The following ABTB3 variants were observed in gnomAD, a reference collection of about 807,000 sequenced individuals.
The protein encoded by ABTB3 is ankyrin repeat- and BTB/POZ domain-containing protein 3.
the ABTB3 span, among the ~76,000 whole-genome samples, chr12:107,468,325 C>T: frequency 6.6e-6 from 1 of 152,128 alleles, no homozygotes; most frequent in African/African-American, 2.4e-5. Flanking sequence ...ACTCTTTTCC[C>T]TCTTATGCTG....
the ABTB3 span, among the ~76,000 whole-genome samples, chr12:107,337,843 C>T: frequency 6.6e-6 from 1 of 152,170 alleles, no homozygotes; most frequent in Non-Finnish European, 1.5e-5. Context: ...TTGATTTAAT[C>T]AAATTGGCAA....
At chr12:107,320,147 C>T in the ABTB3 span, 3 of 1,355,420 alleles carry the variant, frequency 2.2e-6, no homozygotes, top group Non-Finnish European at 2.9e-6. Context: ...TGCCTCGCGT[C>T]CCCCTCCCGC....
At chr12:107,521,790 G>A in the ABTB3 span, among the ~76,000 whole-genome samples, 1 of 150,212 alleles carries the variant, frequency 6.7e-6, no homozygotes, top group Non-Finnish European at 1.5e-5. Flanking sequence ...CCCTCTGCCT[G>A]AACTGTTCTT....
chr12:107,585,148 G>C, the ABTB3 span, among the ~76,000 whole-genome samples: 1 of 152,130 alleles, frequency 6.6e-6, no homozygotes, highest in Non-Finnish European at 1.5e-5. Flanking sequence ...TTCTGCTCTG[G>C]AGTGAAGGCT....
the ABTB3 span, among the ~76,000 whole-genome samples, chr12:107,402,733 C>T: frequency 1.3e-5 from 2 of 152,194 alleles, no homozygotes; most frequent in Non-Finnish European, 2.9e-5. Flanking sequence ...CCTGCCAGCT[C>T]TCCTCACCTG....
chr12:107,370,456 G>A, the ABTB3 span, among the ~76,000 whole-genome samples: 1 of 152,236 alleles, frequency 6.6e-6, no homozygotes, highest in Non-Finnish European at 1.5e-5. Flanking sequence ...AATGTTGGAC[G>A]AGTCCTCAGA....
At chr12:107,586,908 C>T in the ABTB3 span, among the ~76,000 whole-genome samples, 136 of 152,266 alleles carry the variant, frequency 8.9e-4, no homozygotes, top group African/African-American at 3.2e-3. Context: ...ACCTCCCTGC[C>T]GAGGTGCCAT....
At chr12:107,625,498 T>A in the ABTB3 span, among the ~76,000 whole-genome samples, 3 of 152,022 alleles carry the variant, frequency 2.0e-5, no homozygotes, top group African/African-American at 7.2e-5. Context: ...TACTGTCAGG[T>A]GTATGTAGAA....
At chr12:107,353,049 T>C in the ABTB3 span, among the ~76,000 whole-genome samples, 1 of 152,186 alleles carries the variant, frequency 6.6e-6, no homozygotes, top group Admixed American at 6.5e-5. Context: ...AGACTCTTGA[T>C]CCAACTGTAG....
chr12:107,486,140 G>T, the ABTB3 span, among the ~76,000 whole-genome samples: 7 of 152,130 alleles, frequency 4.6e-5, no homozygotes, highest in Non-Finnish European at 1.0e-4. Flanking sequence ...TGGGTCATGG[G>T]GGCAGATCCC....
At chr12:107,401,070 C>T in the ABTB3 span, among the ~76,000 whole-genome samples, 1,192 of 152,294 alleles carry the variant, frequency 7.8e-3, 25 homozygotes, top group African/African-American at 0.027. Context: ...GTCTCCTGGC[C>T]GCATCTCAGC....
At chr12:107,492,844 G>A in the ABTB3 span, among the ~76,000 whole-genome samples, 1 of 152,108 alleles carries the variant, frequency 6.6e-6, no homozygotes, top group Non-Finnish European at 1.5e-5. Flanking sequence ...TATGAGCTTT[G>A]TGCCCTTGAG....
At chr12:107,423,199 C>T in the ABTB3 span, among the ~76,000 whole-genome samples, 4 of 152,116 alleles carry the variant, frequency 2.6e-5, no homozygotes, top group Non-Finnish European at 5.9e-5. Flanking sequence ...ATGTATACTA[C>T]CTGAGGATAA....
chr12:107,464,784 G>C, the ABTB3 span, among the ~76,000 whole-genome samples: 1 of 152,184 alleles, frequency 6.6e-6, no homozygotes, highest in Non-Finnish European at 1.5e-5. Flanking sequence ...CTCTATCAAA[G>C]GCAGTTTTAC....
chr12:107,635,312 G>A, the ABTB3 span: 62 of 1,613,468 alleles, frequency 3.8e-5, no homozygotes, highest in Middle Eastern at 1.6e-4. Context: ...GCAGCTGTGC[G>A]TCATCTTCAC....
the ABTB3 span, among the ~76,000 whole-genome samples, chr12:107,538,213 G>A: frequency 6.6e-6 from 1 of 152,270 alleles, no homozygotes; most frequent in Non-Finnish European, 1.5e-5. Context: ...CCTTCACAGG[G>A]CAGCGTGGTG....
chr12:107,620,807 C>A, the ABTB3 span, among the ~76,000 whole-genome samples: 2 of 152,180 alleles, frequency 1.3e-5, no homozygotes, highest in Admixed American at 1.3e-4. Context: ...AGCAGGCCAG[C>A]CTTTCGACTA....
the ABTB3 span, among the ~76,000 whole-genome samples, chr12:107,371,796 G>T: frequency 6.6e-6 from 1 of 152,108 alleles, no homozygotes; most frequent in African/African-American, 2.4e-5. Context: ...AAAGATACTT[G>T]GTACTTCTGC....
the ABTB3 span, among the ~76,000 whole-genome samples, chr12:107,498,823 G>A: frequency 4.6e-5 from 7 of 152,128 alleles, no homozygotes; most frequent in Admixed American, 3.3e-4. Context: ...CATATTCAAA[G>A]GTTCTGGGGA....
Sources: allele counts gnomAD v4.1 joint callset (sites outside exome capture counted in the v4.1 genomes callset), GRCh38; gene constraint gnomAD v4.1.1; transcripts MANE v1.5; gene names NCBI Gene and HGNC (gene_info 2026-07-23, HGNC 2026-07-21).